FGF7: variants seen among roughly 807,000 people sequenced by gnomAD.
FGF7 encodes the protein fibroblast growth factor 7, also known as FGF-7.
Under a neutral mutation model 20.5 loss-of-function variants are expected in FGF7, and 6 were observed. The observed-to-expected ratio is 0.29, with a 90% CI of 0.16 to 0.58. The LOEUF is 0.58. Ranked by LOEUF, FGF7 falls within the 20% of genes least tolerant of loss-of-function variation. FGF7 has a pLI of 0.90. For missense variants in FGF7, 144 were observed against 228.8 expected (o/e 0.63, Z 2.39); for synonymous variants, 64 against 74.7 (o/e 0.86, Z 0.74).
In FGF7 at chr15:49,439,101, G is replaced by C. The variant is rs377022727; in HGVS notation, c.286+14518G>C. ...TAGGGCTGAAGTCTTCTTATGTCTT[G>C]ACTGGGGCTGAAGGATCTATATAAA... On this transcript the variant is annotated intron_variant, in intron 2 of 3. Coordinates refer to ENST00000267843, the MANE Select transcript of FGF7 (RefSeq NM_002009.4). 1.4e-4 allele frequency among the ~76,000 whole-genome samples: 22 copies of C among 151,796 alleles called. No individual in the cohort carries two copies. In the East Asian group the frequency reaches 2.3e-3, roughly 16 times the overall value.
intron 2 of FGF7, among the ~76,000 whole-genome samples, chr15:49,473,233 T>C (rs2054941533): frequency 6.6e-6 from 1 of 151,036 alleles, no homozygotes; most frequent in South Asian, 2.1e-4. Flanking sequence ...AGTTAACTCA[T>C]CCTTTTGTCA....
At chr15:49,476,596 T>C (rs947539762) in intron 2 of FGF7, among the ~76,000 whole-genome samples, 7 of 131,282 alleles carry the variant, frequency 5.3e-5, no homozygotes, top group Admixed American at 1.6e-4. Context: ...ACATTTTTAA[T>C]AGTAATTAAT....
rs1185942518 is a variant in FGF7, at chr15:49,486,353, T to G, written c.*1849T>G. On this transcript the variant is annotated 3_prime_UTR_variant, in exon 4 of 4. Coordinates refer to ENST00000267843, the MANE Select transcript of FGF7 (RefSeq NM_002009.4). Reference sequence around the variant, plus strand: ...AGAGCATGAATGGTATTCTGAACTATCACCTGATTCAAGGACTTTGCTAGC... The same window carrying G: ...AGAGCATGAATGGTATTCTGAACTAGCACCTGATTCAAGGACTTTGCTAGC... 6.6e-6 allele frequency: 1 copy of G among 152,002 alleles called. No individual in the cohort carries two copies. Among genetic ancestry groups the G allele is most frequent in the South Asian group, 2.1e-4 (1 of 4,822 alleles). The allele number at this position is 152,002 out of a possible 1,614,324, so 9.4% of individuals were successfully genotyped here. A position where few individuals can be genotyped will look rare whatever the true frequency, so the allele number is the denominator to read the frequency against.
At chr15:49,436,383 T>G (rs2051107336) in intron 2 of FGF7, among the ~76,000 whole-genome samples, 1 of 151,738 alleles carries the variant, frequency 6.6e-6, no homozygotes, top group Admixed American at 6.6e-5. Context: ...ATATATAGAA[T>G]CTTGCTTTAA....
intron 2 of FGF7, among the ~76,000 whole-genome samples, chr15:49,471,065 CTT>C (rs1302797741): frequency 6.6e-6 from 1 of 152,132 alleles, no homozygotes; most frequent in Non-Finnish European, 1.5e-5. Context: ...TGTTGATACT[CTT>C]TTCTATGCTA....
intron 2 of FGF7, among the ~76,000 whole-genome samples, chr15:49,430,485 A>G (rs1290094510): frequency 3.3e-5 from 5 of 151,864 alleles, no homozygotes; most frequent in Admixed American, 3.3e-4. Flanking sequence ...GAGAACCACA[A>G]TTCTAGAGGG....
intron 2 of FGF7, among the ~76,000 whole-genome samples, chr15:49,456,198 T>A (rs1002931815): frequency 6.6e-6 from 1 of 152,154 alleles, no homozygotes; most frequent in Non-Finnish European, 1.5e-5. Context: ...ATTAATTCTT[T>A]AGAATTTCAT....
intron 2 of FGF7, among the ~76,000 whole-genome samples, chr15:49,476,785 C>T (rs763929545): frequency 9.2e-5 from 14 of 152,204 alleles, no homozygotes; most frequent in South Asian, 2.1e-4. Context: ...ATAGGCCAGG[C>T]GTGGTGGCTC....
intron 2 of FGF7, among the ~76,000 whole-genome samples, chr15:49,459,800 T>C (rs372903922): frequency 6.6e-6 from 1 of 152,266 alleles, no homozygotes; most frequent in Non-Finnish European, 1.5e-5. Context: ...CCGGCTCCTG[T>C]GTGCATCTCT....
At position 49,457,703 on chromosome 15, in the gene FGF7, A is replaced by G. The variant is rs139374655; in HGVS notation, c.287-25448A>G. ...CAGTGACAATAGATTTCCAATGTCT[A>G]TTACTTCAGTATTTAGAAAATAGAT... is the stretch of plus-strand genomic sequence containing the variant. On this transcript the variant is annotated intron_variant, in intron 2 of 3. Coordinates refer to ENST00000267843, the MANE Select transcript of FGF7 (RefSeq NM_002009.4). Among the ~76,000 whole-genome samples, 307 of 152,004 alleles carry G rather than the reference A, an allele frequency of 2.0e-3. 2 individuals carry two copies. The highest frequency in any genetic ancestry group is 7.1e-3 in the African/African-American group (294 of 41,536).
chr15:49,439,923 T>C (rs1222302573), intron 2 of FGF7, among the ~76,000 whole-genome samples: 2 of 151,768 alleles, frequency 1.3e-5, no homozygotes, highest in Admixed American at 6.6e-5. Context: ...AGTTTGCAGA[T>C]AGCCCTCAGG....
At chr15:49,480,615 G>A (rs2055853548) in intron 2 of FGF7, among the ~76,000 whole-genome samples, 1 of 151,492 alleles carries the variant, frequency 6.6e-6, no homozygotes, top group Non-Finnish European at 1.5e-5. Flanking sequence ...CTGAGTAGCT[G>A]GGATTACAGG....
At position 49,485,771 on chromosome 15, in the gene FGF7, AT is replaced by A. The variant is rs2056354945; in HGVS notation, c.*1271del. 1 of 152,402 alleles carries A rather than the reference AT, an allele frequency of 6.6e-6. No homozygotes were observed. Among genetic ancestry groups the A allele is most frequent in the African/African-American group, 2.4e-5 (1 of 41,440 alleles). 9.4% of individuals were successfully genotyped at this position (152,402 alleles called of 1,614,324 possible). ...CATTACAAATATAAGTATTTACAGG[AT>A]TTTAAAGTTAGAATATATTTGAATG... is the stretch of plus-strand genomic sequence containing the variant. On this transcript the variant is annotated 3_prime_UTR_variant, in exon 4 of 4. Transcript: ENST00000267843.
chr15:49,427,048 C>T (rs2151762299), intron 2 of FGF7, among the ~76,000 whole-genome samples: 1 of 151,864 alleles, frequency 6.6e-6, no homozygotes, highest in East Asian at 1.9e-4. Context: ...GAGGGAAATG[C>T]TACAATGAAG....
intron 2 of FGF7, among the ~76,000 whole-genome samples, chr15:49,469,655 G>T (rs1567337793): frequency 6.6e-6 from 1 of 151,890 alleles, no homozygotes; most frequent in Non-Finnish European, 1.5e-5. Context: ...TTACTATAAG[G>T]CAGACAAAAA....
chr15:49,451,484 T>G (rs1323112752), intron 2 of FGF7, among the ~76,000 whole-genome samples: 2 of 152,116 alleles, frequency 1.3e-5, no homozygotes, highest in African/African-American at 2.4e-5. Flanking sequence ...TATGTATATA[T>G]AGATTATAAC....
At chr15:49,439,846 C>G (rs1342260591) in intron 2 of FGF7, among the ~76,000 whole-genome samples, 1 of 151,708 alleles carries the variant, frequency 6.6e-6, no homozygotes. Flanking sequence ...ACAAAGACAA[C>G]TCCACTCTGG....
intron 2 of FGF7, among the ~76,000 whole-genome samples, chr15:49,440,166 G>A (rs996058829): frequency 1.4e-4 from 21 of 151,708 alleles, no homozygotes; most frequent in African/African-American, 5.1e-4. Context: ...CTGGTTTTTA[G>A]TTCAGCATAC....
At position 49,484,311 on chromosome 15, in the gene FGF7, A is replaced by G; in HGVS notation, c.392A>G (p.Lys131Arg). 1 of 1,585,730 alleles carries G rather than the reference A, an allele frequency of 6.3e-7. No individual in the cohort carries two copies. Among genetic ancestry groups the G allele is most frequent in the African/African-American group, 1.3e-5 (1 of 74,178 alleles). The change falls in exon 4 of 4, where the codon AAA becomes AGA. Residue 131 changes from lysine (K) to arginine (R), a missense_variant and splice_region_variant. Lys to Arg is a conservative substitution (Grantham distance 26, BLOSUM62 2). Around this residue, in one of 2 missense-constraint regions of FGF7, gnomAD observed 56 missense variants for 125.4 expected, o/e 0.45. Transcript: ENST00000267843. ...CTGTTTGTTTGTTTGTTTTAACAGAAAGAATGCAATGAAGATTGTAACTTC... is the reference window on the plus strand; with the variant it reads ...CTGTTTGTTTGTTTGTTTTAACAGAGAGAATGCAATGAAGATTGTAACTTC... ...MNKEGKLYAK[K>R]ECNEDCNFKE... is the part of the protein sequence containing the mutation.
Sources: gnomAD v4.1 joint callset for allele counts (sites outside exome capture counted in the v4.1 genomes callset) on GRCh38, gnomAD v4.1.1 for gene constraint, gnomAD v4.1.1 regional missense constraint, MANE v1.5 for transcripts, NCBI Gene and HGNC (gene_info 2026-07-23, HGNC 2026-07-21) for gene names.